Variants in CPAMD8 observed in about 807,000 individuals in gnomAD.
CPAMD8 encodes the protein C3 and PZP-like alpha-2-macroglobulin domain-containing protein 8.
Under a neutral mutation model 224.7 loss-of-function variants are expected in CPAMD8, and 146 were observed. The observed-to-expected ratio is 0.65, with a 90% CI of 0.57 to 0.75. The LOEUF is 0.75. CPAMD8 is among the 30% of genes least tolerant of loss of function. CPAMD8 has a pLI of 0.00. For synonymous variants in CPAMD8, 966 were observed against 1,044.6 expected, an observed-to-expected ratio of 0.92 and a Z score of 1.45; for missense variants, 2,301 against 2,537.5, an observed-to-expected ratio of 0.91 and a Z score of 2.00.
At chr19:16,912,599 A>C (rs762960301) in intron 29 of CPAMD8, among the ~76,000 whole-genome samples, 6 of 152,150 alleles carry the variant, frequency 3.9e-5, no homozygotes, top group Non-Finnish European at 8.8e-5. Context: ...AAATACGAAA[A>C]TTAGCCGGAT....
chr19:16,967,577 C>A (rs1206834442), intron 18 of CPAMD8, among the ~76,000 whole-genome samples: 1 of 151,950 alleles, frequency 6.6e-6, no homozygotes, highest in Non-Finnish European at 1.5e-5. Flanking sequence ...GAGGCCAAGG[C>A]TGGCGGATCA....
chr19:16,902,726 C>T lies in CPAMD8; in HGVS notation c.4608G>A (p.Trp1536Ter). The T allele has an allele frequency of 6.2e-7, 1 of 1,602,786 alleles. No homozygotes were observed. Among genetic ancestry groups the T allele is most frequent in the Non-Finnish European group, 8.5e-7 (1 of 1,172,636 alleles). Residue 1536 changes from tryptophan (W) to a stop codon, truncating the protein, a stop_gained, in exon 35 of 42, where the codon TGG (tryptophan) becomes TGA (stop). Transcript: ENST00000443236. LOFTEE classifies it high-confidence loss of function. ...ASAAEGSRGDWPPADDDDPAA... is the reference protein window; with the variant it reads ...ASAAEGSRGD The stretch of plus-strand genomic sequence containing the variant: ...CTGGGTCATCATCGTCAGCTGGGGG[C>T]CAGTCTCCTCGGGAACCCTCAGCTG...
intron 41 of CPAMD8, chr19:16,894,812 TG>T (rs1236011783): frequency 7.7e-6 from 2 of 259,744 alleles, no homozygotes; most frequent in Non-Finnish European, 1.6e-5. Context: ...GAGACTGAGA[TG>T]GGAGGATCAC....
At position 16,913,668 on chromosome 19, in the gene CPAMD8, G is replaced by C. The variant is rs2052813821; in HGVS notation, c.3861+756C>G. 5.3e-5 allele frequency among the ~76,000 whole-genome samples: 8 copies of C among 152,114 alleles called. No homozygotes were observed. The South Asian group carries it at 1.7e-3, about 32-fold the overall frequency. ...GAATTCAGCATAAGAATTTGGTCAG[G>C]GGAGAACCAATTCAGCCCATAACAC... On this transcript the variant is annotated intron_variant, in intron 29 of 41. Coordinates refer to ENST00000443236, the MANE Select transcript of CPAMD8 (RefSeq NM_015692.5).
intron 16 of CPAMD8, among the ~76,000 whole-genome samples, chr19:16,975,501 G>A (rs961455289): frequency 6.6e-6 from 1 of 152,050 alleles, no homozygotes; most frequent in Non-Finnish European, 1.5e-5. Context: ...GTGCAAAGGA[G>A]TTCGAGACCA....
intron 17 of CPAMD8, among the ~76,000 whole-genome samples, chr19:16,971,566 A>C (rs1196368881): frequency 6.6e-6 from 1 of 152,136 alleles, no homozygotes; most frequent in African/African-American, 2.4e-5. Context: ...AAGCAGATCA[A>C]CTGGTGACTG....
intron 7 of CPAMD8, among the ~76,000 whole-genome samples, chr19:17,005,242 C>T (rs1807551163): frequency 6.6e-6 from 1 of 152,044 alleles, no homozygotes; most frequent in African/African-American, 2.4e-5. Flanking sequence ...AATCCCAGAG[C>T]ACTGAGGGGT....
chr19:16,957,764 C>A, intron 19 of CPAMD8, 89 bp downstream of exon 19: 1 of 1,210,160 alleles, frequency 8.3e-7, no homozygotes, highest in Non-Finnish European at 1.2e-6. Context: ...GGTATCAGGC[C>A]TGCCCATCTC....
At chr19:17,016,214 C>G (rs1476708636) in intron 3 of CPAMD8, among the ~76,000 whole-genome samples, 1 of 152,146 alleles carries the variant, frequency 6.6e-6, no homozygotes, top group Admixed American at 6.5e-5. Context: ...TTCAGCCTCC[C>G]AAGTAGCTAG....
At chr19:16,988,636 G>C (rs534613982) in intron 13 of CPAMD8, among the ~76,000 whole-genome samples, 24 of 151,970 alleles carry the variant, frequency 1.6e-4, no homozygotes, top group African/African-American at 3.1e-4. Context: ...AAAAAAGAAA[G>C]AAAAGAAACA....
chr19:16,967,337 C>CG (rs968113505), intron 18 of CPAMD8, among the ~76,000 whole-genome samples: 1 of 13,752 alleles, frequency 7.3e-5, no homozygotes, highest in South Asian at 7.7e-3. Flanking sequence ...TGGGGCCTGT[C>CG]GGGGGGTGGG....
rs149959173 is a variant in CPAMD8, at chr19:16,920,314, T to C, written c.3629+1591A>G. On this transcript the variant is annotated intron_variant, in intron 27 of 41. Coordinates refer to ENST00000443236, the MANE Select transcript of CPAMD8 (RefSeq NM_015692.5). ...CTAACACGGTGAAACCCCGTCTCTA[T>C]TAAAAATACAAAAAAAGTAGCCAGG... 9.8e-3 allele frequency among the ~76,000 whole-genome samples: 1,483 copies of C among 150,776 alleles called. 22 individuals are homozygous for C. Among genetic ancestry groups the C allele is most frequent in the African/African-American group, 0.034 (1,394 of 41,028 alleles).
intron 23 of CPAMD8, among the ~76,000 whole-genome samples, chr19:16,933,590 T>C (rs1045173362): frequency 6.6e-6 from 1 of 152,110 alleles, no homozygotes; most frequent in Non-Finnish European, 1.5e-5. Flanking sequence ...GAAAATATGC[T>C]TAAGATCATC....
In CPAMD8 at chr19:16,970,905, G is replaced by A. The variant is rs772497443; in HGVS notation, c.2199C>T (p.Ser733=). The A allele has an allele frequency of 1.9e-6, 3 of 1,613,626 alleles. No homozygotes were observed. The South Asian group carries it at 3.3e-5, about 18-fold the overall frequency. The change falls in exon 18 of 42, where the codon TCC becomes TCT. Residue 733 remains serine, a synonymous_variant. Transcript: ENST00000443236. ...TAAGCCGTTACCTGGGGGGGTGCCT[G>A]GAAGGAGCCACTGCCACCAGGCTCC... The part of the protein sequence containing the change: ...HTGSLVAVAP[S]RHPPRTEKRK...
intron 32 of CPAMD8, 50 bp downstream of exon 32, chr19:16,904,176 A>AGGGGGCC: frequency 7.5e-6 from 7 of 937,338 alleles, no homozygotes; most frequent in Non-Finnish European, 1.2e-5. Flanking sequence ...GACTGCAGGG[A>AGGGGGCC]CCCCACCCAC....
chr19:16,918,060 A>G (rs1007940848), intron 27 of CPAMD8, among the ~76,000 whole-genome samples: 1 of 152,040 alleles, frequency 6.6e-6, no homozygotes, highest in African/African-American at 2.4e-5. Flanking sequence ...CAGTGGCACA[A>G]TCTCGGCTCA....
chr19:16,901,367 C>G (rs1441255882), intron 35 of CPAMD8, 70 bp from the exon 36 acceptor site: 3 of 1,024,144 alleles, frequency 2.9e-6, no homozygotes, highest in East Asian at 5.2e-5. Flanking sequence ...GGTCCCCTCT[C>G]CCCCTGGAGC....
chr19:16,960,319 G>A (rs995647309), intron 18 of CPAMD8, among the ~76,000 whole-genome samples: 19 of 152,236 alleles, frequency 1.2e-4, no homozygotes, highest in South Asian at 2.1e-4. Context: ...ACCCGCAGAC[G>A]TGTGTGCAAA....
intron 13 of CPAMD8, among the ~76,000 whole-genome samples, chr19:16,987,180 ATATAT>A (rs1419501724): frequency 0.015 from 630 of 41,862 alleles, 12 homozygotes; most frequent in Middle Eastern, 0.024. Flanking sequence ...AAAAAAAAAA[ATATAT>A]ATATATATAT....
Sources: allele counts gnomAD v4.1 joint callset (sites outside exome capture counted in the v4.1 genomes callset), GRCh38; gene constraint gnomAD v4.1.1; transcripts MANE v1.5; gene names NCBI Gene and HGNC (gene_info 2026-07-23, HGNC 2026-07-21).